Variants in SPMIP2 observed in about 807,000 individuals in gnomAD.
The protein encoded by SPMIP2 is sperm microtubule inner protein 2.
chr4:159,048,057 A>G, the SPMIP2 span, among the ~76,000 whole-genome samples: 1 of 152,198 alleles, frequency 6.6e-6, no homozygotes, highest in Non-Finnish European at 1.5e-5. Context: ...ATGATTGTTC[A>G]TGCTTTTAGC....
At chr4:158,895,815 T>A in the SPMIP2 span, 1 of 1,613,360 alleles carries the variant, frequency 6.2e-7, no homozygotes, top group Non-Finnish European at 8.5e-7. Context: ...TATCTGAATA[T>A]CTCCGGGGAC....
chr4:159,053,903 T>C, the SPMIP2 span, among the ~76,000 whole-genome samples: 1 of 143,414 alleles, frequency 7.0e-6, no homozygotes, highest in South Asian at 2.3e-4. Context: ...CTGGGCAACA[T>C]AGTGAAACTT....
At chr4:159,038,393 AT>A in the SPMIP2 span, among the ~76,000 whole-genome samples, 11 of 152,154 alleles carry the variant, frequency 7.2e-5, no homozygotes, top group African/African-American at 2.7e-4. Context: ...TGTTAGTGTG[AT>A]TGAACATGCT....
the SPMIP2 span, among the ~76,000 whole-genome samples, chr4:158,981,202 T>C: frequency 6.6e-6 from 1 of 152,082 alleles, no homozygotes; most frequent in Admixed American, 6.6e-5. Flanking sequence ...AATATGAGAC[T>C]ATGTGAAAAG....
the SPMIP2 span, among the ~76,000 whole-genome samples, chr4:158,944,035 T>C: frequency 3.9e-5 from 6 of 151,998 alleles, no homozygotes; most frequent in South Asian, 1.2e-3. Flanking sequence ...TTTGTATTTT[T>C]AGTAGAGACA....
chr4:158,973,263 G>C, the SPMIP2 span: 15 of 1,613,768 alleles, frequency 9.3e-6, no homozygotes, highest in Non-Finnish European at 1.2e-5. Context: ...TCCTACATAG[G>C]AGGTGTGCTG....
At chr4:159,064,839 A>AT in the SPMIP2 span, among the ~76,000 whole-genome samples, 8 of 152,188 alleles carry the variant, frequency 5.3e-5, no homozygotes, top group African/African-American at 9.7e-5. Flanking sequence ...AGTTGTATAG[A>AT]TTTTTTAAAT....
the SPMIP2 span, chr4:159,026,118 C>A: frequency 3.6e-6 from 1 of 281,138 alleles, no homozygotes; most frequent in Non-Finnish European, 7.2e-6. Flanking sequence ...CCTCCTATGC[C>A]CACCATGACC....
the SPMIP2 span, among the ~76,000 whole-genome samples, chr4:158,937,070 G>A: frequency 2.0e-5 from 3 of 152,174 alleles, no homozygotes; most frequent in South Asian, 2.1e-4. Flanking sequence ...CGTTTTAGAC[G>A]TATCATCATT....
chr4:158,895,359 G>A, the SPMIP2 span, among the ~76,000 whole-genome samples: 6 of 152,032 alleles, frequency 3.9e-5, no homozygotes, highest in Admixed American at 3.9e-4. Flanking sequence ...TTTGCTATGT[G>A]GTTACGTGTA....
the SPMIP2 span, among the ~76,000 whole-genome samples, chr4:158,998,503 T>C: frequency 6.6e-6 from 1 of 152,244 alleles, no homozygotes; most frequent in African/African-American, 2.4e-5. Flanking sequence ...GTGGAGAGTC[T>C]TGCTTGACTC....
chr4:158,960,235 A>G, the SPMIP2 span: 2 of 1,100,418 alleles, frequency 1.8e-6, no homozygotes, highest in Non-Finnish European at 1.3e-6. Context: ...CCTGTTACCA[A>G]TTTAGGAAAG....
At chr4:159,051,266 T>C in the SPMIP2 span, among the ~76,000 whole-genome samples, 2 of 152,178 alleles carry the variant, frequency 1.3e-5, no homozygotes, top group South Asian at 4.1e-4. Flanking sequence ...AAGTGATATG[T>C]TTTCTGGAAA....
the SPMIP2 span, among the ~76,000 whole-genome samples, chr4:158,980,604 C>G: frequency 6.6e-6 from 1 of 152,196 alleles, no homozygotes; most frequent in African/African-American, 2.4e-5. Context: ...AGACCCGCAG[C>G]AGAGAGGCCT....
the SPMIP2 span, among the ~76,000 whole-genome samples, chr4:158,989,443 A>G: frequency 6.6e-6 from 1 of 152,242 alleles, no homozygotes; most frequent in Non-Finnish European, 1.5e-5. Flanking sequence ...AGCAAAAAGA[A>G]TAAAGCTGGA....
the SPMIP2 span, among the ~76,000 whole-genome samples, chr4:159,042,141 G>A: frequency 1.3e-5 from 2 of 152,214 alleles, no homozygotes; most frequent in African/African-American, 2.4e-5. Context: ...CAAATGAACT[G>A]ATTGTATCAT....
the SPMIP2 span, among the ~76,000 whole-genome samples, chr4:158,929,978 A>G: frequency 6.6e-6 from 1 of 152,214 alleles, no homozygotes. Flanking sequence ...GCTAGTGAAA[A>G]AAATTCTCAA....
chr4:159,053,018 G>A, the SPMIP2 span, among the ~76,000 whole-genome samples: 79 of 140,546 alleles, frequency 5.6e-4, no homozygotes, highest in South Asian at 5.7e-3. Flanking sequence ...GTGCAGTGGC[G>A]GGATCTCGGC....
the SPMIP2 span, chr4:158,904,359 A>G: frequency 2.0e-6 from 2 of 980,706 alleles, no homozygotes; most frequent in Admixed American, 2.2e-5. Flanking sequence ...ATGATAATCT[A>G]TCAAACTTAG....
Sources: gnomAD v4.1 joint callset for allele counts (sites outside exome capture counted in the v4.1 genomes callset) on GRCh38, gnomAD v4.1.1 for gene constraint, MANE v1.5 for transcripts, NCBI Gene and HGNC (gene_info 2026-07-23, HGNC 2026-07-21) for gene names.